The following BMPR1B variants were observed in gnomAD, a reference collection of about 807,000 sequenced individuals.
The protein encoded by BMPR1B is bone morphogenetic protein receptor type 1B, also known as bone morphogenetic protein receptor type-1B.
A neutral mutation model predicts 59.1 loss-of-function variants in BMPR1B; 12 were observed. The ratio of observed to expected loss-of-function variants is 0.20; its 90% confidence interval spans 0.13 to 0.33. The LOEUF is 0.33. Ranked by LOEUF, BMPR1B falls within the 10% of genes least tolerant of loss-of-function variation. BMPR1B has a pLI of 1.00. For missense variants in BMPR1B, 550 were observed against 610.9 expected (o/e 0.90, Z 1.05); for synonymous variants, 237 against 207.3 (o/e 1.14, Z -1.23).
intron 2 of BMPR1B, among the ~76,000 whole-genome samples, chr4:94,965,551 A>G (rs1209693837): frequency 6.6e-6 from 1 of 152,170 alleles, no homozygotes; most frequent in Non-Finnish European, 1.5e-5. Flanking sequence ...GAAGTTACAA[A>G]GTTATAAGCT....
At chr4:95,136,491 G>A (rs533524136) in intron 10 of BMPR1B, among the ~76,000 whole-genome samples, 47 of 152,182 alleles carry the variant, frequency 3.1e-4, no homozygotes, top group Admixed American at 1.3e-4. Context: ...CATGGTACCA[G>A]CTCCTCTTTG....
chr4:94,932,435 CT>C (rs1311069232), intron 2 of BMPR1B, among the ~76,000 whole-genome samples: 1 of 152,060 alleles, frequency 6.6e-6, no homozygotes, highest in Non-Finnish European at 1.5e-5. Context: ...TTTTGAAACA[CT>C]TTAAAAAAGT....
intron 1 of BMPR1B, among the ~76,000 whole-genome samples, chr4:94,841,230 T>G (rs1725054945): frequency 6.7e-6 from 1 of 149,086 alleles, no homozygotes; most frequent in Non-Finnish European, 1.5e-5. Flanking sequence ...GTCTGTGCCC[T>G]GCCCCCAGAG....
chr4:95,031,673 G>T (rs1468870790), intron 3 of BMPR1B, among the ~76,000 whole-genome samples: 1 of 152,042 alleles, frequency 6.6e-6, no homozygotes, highest in East Asian at 1.9e-4. Flanking sequence ...TGGATCATGG[G>T]GATAGGAGTA....
chr4:95,060,837 T>G (rs893593764), intron 3 of BMPR1B, among the ~76,000 whole-genome samples: 1 of 152,160 alleles, frequency 6.6e-6, no homozygotes, highest in East Asian at 1.9e-4. Flanking sequence ...AAGTCATAAC[T>G]CTTTCCTGCT....
chr4:94,882,432 T>C (rs1727008967), intron 2 of BMPR1B, among the ~76,000 whole-genome samples: 1 of 152,236 alleles, frequency 6.6e-6, no homozygotes, highest in African/African-American at 2.4e-5. Context: ...AACATAAATA[T>C]TTAGCTGAAA....
rs1343033075 is a variant in BMPR1B at position 95,158,350 on chromosome 4, A to G, written c.*3677A>G. ...GTATATACTGTAATTATTCAGGACT[A>G]GGGAACAAACAATTGTATTGTATTT... On this transcript the variant is annotated 3_prime_UTR_variant, in exon 13 of 13. Coordinates refer to ENST00000515059, the MANE Select transcript of BMPR1B (RefSeq NM_001203.3). 5 of 152,236 alleles carry G rather than the reference A, an allele frequency of 3.3e-5. No homozygotes were observed. The East Asian group carries it at 5.8e-4, about 18-fold the overall frequency. The allele number at this position is 152,236 out of a possible 1,614,324, so 9.4% of individuals were successfully genotyped here.
chr4:95,029,567 A>G (rs1330658205), intron 3 of BMPR1B, among the ~76,000 whole-genome samples: 2 of 152,170 alleles, frequency 1.3e-5, no homozygotes, highest in South Asian at 2.1e-4. Context: ...TAGTGCCGCA[A>G]TAAACATACG....
intron 2 of BMPR1B, among the ~76,000 whole-genome samples, chr4:94,929,538 A>T (rs1294484654): frequency 1.3e-5 from 2 of 151,762 alleles, no homozygotes; most frequent in Non-Finnish European, 2.9e-5. Context: ...TGTTTTCTGG[A>T]CTCTCCTCAC....
At chr4:95,051,788 C>A (rs1057446029) in intron 3 of BMPR1B, 1 of 1,534,476 alleles carries the variant, frequency 6.5e-7, no homozygotes, top group Non-Finnish European at 8.7e-7. Context: ...AAGATCAGTG[C>A]CCTCCACTAC....
intron 1 of BMPR1B, among the ~76,000 whole-genome samples, chr4:94,791,671 G>C (rs1004277704): frequency 6.6e-6 from 1 of 152,016 alleles, no homozygotes; most frequent in Admixed American, 6.6e-5. Context: ...CTTAGTGGCC[G>C]CTGGTTTAAT....
In BMPR1B at chr4:95,131,401, C is replaced by T. The variant is rs1332563913; in HGVS notation, c.965C>T (p.Thr322Ile). The change falls in exon 10 of 13, where the codon ACT (threonine) becomes ATT (isoleucine). Residue 322 changes from threonine to isoleucine, a missense_variant. Coordinates refer to ENST00000515059, the MANE Select transcript of BMPR1B (RefSeq NM_001203.3). ...CATTTACACACAGAAATCTTTAGTA[C>T]TCAAGGCAAACCAGCAATTGCCCAT... ...LCHLHTEIFS[T>I]QGKPAIAHRD... 6.2e-7 allele frequency: 1 copy of T among 1,613,968 alleles called. No individual in the cohort carries two copies. Among genetic ancestry groups the T allele is most frequent in the Non-Finnish European group, 8.5e-7 (1 of 1,179,988 alleles).
chr4:94,919,230 T>C (rs1242518270), intron 2 of BMPR1B, among the ~76,000 whole-genome samples: 2 of 152,168 alleles, frequency 1.3e-5, no homozygotes, highest in African/African-American at 4.8e-5. Context: ...TTAAGTATAT[T>C]TAACTGTCAC....
At chr4:95,128,756 T>C (rs1733085148) in intron 8 of BMPR1B, among the ~76,000 whole-genome samples, 1 of 152,192 alleles carries the variant, frequency 6.6e-6, no homozygotes, top group South Asian at 2.1e-4. Context: ...TAATTTCCAT[T>C]AATCTTTTCT....
chr4:94,893,850 A>G (rs1727489504), intron 2 of BMPR1B, among the ~76,000 whole-genome samples: 1 of 152,066 alleles, frequency 6.6e-6, no homozygotes, highest in African/African-American at 2.4e-5. Context: ...TTTGAAATGG[A>G]TAACAACATA....
At chr4:95,100,588 A>C (rs775716540) in intron 3 of BMPR1B, among the ~76,000 whole-genome samples, 10 of 152,114 alleles carry the variant, frequency 6.6e-5, no homozygotes, top group Non-Finnish European at 1.2e-4. Context: ...GGAACTCATG[A>C]GTTTTCATTA....
chr4:94,911,798 A>G (rs1728283386), intron 2 of BMPR1B, among the ~76,000 whole-genome samples: 1 of 152,136 alleles, frequency 6.6e-6, no homozygotes, highest in Non-Finnish European at 1.5e-5. Flanking sequence ...CCCCATGGCA[A>G]TAACTCTTGA....
chr4:95,114,805 T>G lies in BMPR1B; in HGVS notation c.229T>G (p.Ser77Ala), dbSNP rs200702974. 1.4e-4 allele frequency: 218 copies of G among 1,610,182 alleles called. No homozygotes were observed. Among genetic ancestry groups the G allele is most frequent in the Non-Finnish European group, 1.6e-4 (192 of 1,176,650 alleles). ...VTSGCLGLEG[S>A]DFQCRDTPIP... ...TTCTGGTTGCCTAGGACTAGAAGGC[T>G]CAGATTTTCAGTGTCGGGTAAGGTA... Residue 77 changes from serine (S) to alanine (A), a missense_variant, in exon 5 of 13, where the codon TCA (serine) becomes GCA (alanine). By Grantham distance (99) the Ser-to-Ala change is moderately conservative. Coordinates refer to ENST00000515059, the MANE Select transcript of BMPR1B (RefSeq NM_001203.3).
intron 11 of BMPR1B, among the ~76,000 whole-genome samples, chr4:95,152,051 G>T (rs1040228586): frequency 6.6e-6 from 1 of 151,920 alleles, no homozygotes; most frequent in African/African-American, 2.4e-5. Flanking sequence ...ATTCCTTACT[G>T]AAAATTTGGA....
Sources: allele counts gnomAD v4.1 joint callset (sites outside exome capture counted in the v4.1 genomes callset), GRCh38; gene constraint gnomAD v4.1.1; transcripts MANE v1.5; gene names NCBI Gene and HGNC (gene_info 2026-07-23, HGNC 2026-07-21).